DENND6A: variants seen among roughly 807,000 people sequenced by gnomAD.
The protein encoded by DENND6A is protein DENND6A.
In DENND6A, 43 loss-of-function variants were observed where a neutral mutation model predicts 95.5. That is an observed-to-expected ratio of 0.45 (90% CI 0.35 to 0.58). DENND6A has a LOEUF of 0.58. Ranked by LOEUF, DENND6A falls within the 20% of genes least tolerant of loss-of-function variation. The pLI, the probability that DENND6A is intolerant of heterozygous loss-of-function variation, is 0.00. For synonymous variants in DENND6A, 257 were observed against 260.4 expected (o/e 0.99, Z 0.13); for missense variants, 574 against 736.0 (o/e 0.78, Z 2.55).
intron 9 of DENND6A, among the ~76,000 whole-genome samples, chr3:57,649,940 C>T (rs1033753051): frequency 3.3e-5 from 5 of 151,526 alleles, no homozygotes; most frequent in African/African-American, 1.2e-4. Flanking sequence ...CACACACACA[C>T]ACCGTGGAAT....
chr3:57,633,583 C>T (rs2070731024), intron 14 of DENND6A, among the ~76,000 whole-genome samples: 1 of 152,060 alleles, frequency 6.6e-6, no homozygotes, highest in Non-Finnish European at 1.5e-5. Flanking sequence ...CTGTTCATCC[C>T]ATACTGTGAA....
chr3:57,631,964 C>T (rs1399479664), intron 15 of DENND6A, among the ~76,000 whole-genome samples: 30 of 132,058 alleles, frequency 2.3e-4, no homozygotes, highest in East Asian at 4.7e-4. Flanking sequence ...CCTCGTGATC[C>T]GCCCGCCTCG....
intron 11 of DENND6A, among the ~76,000 whole-genome samples, chr3:57,642,245 C>T (rs184255596): frequency 7.3e-6 from 1 of 136,784 alleles, no homozygotes; most frequent in African/African-American, 2.7e-5. Flanking sequence ...AACCAGGAGG[C>T]GGAGGTTGCA....
chr3:57,676,375 T>TTA (rs756272155), intron 1 of DENND6A, among the ~76,000 whole-genome samples: 2 of 87,354 alleles, frequency 2.3e-5, no homozygotes, highest in African/African-American at 4.3e-5. Flanking sequence ...TAAGATTATT[T>TTA]AAAAAAAAAA....
At position 57,641,689 on chromosome 3, in the gene DENND6A, G is replaced by T. The variant is rs1456409051; in HGVS notation, c.1096C>A (p.Pro366Thr). The T allele has an allele frequency of 6.2e-7, 1 of 1,612,822 alleles. No individual in the cohort carries two copies. Among genetic ancestry groups the T allele is most frequent in the Non-Finnish European group, 8.5e-7 (1 of 1,179,360 alleles). Residue 366 changes from proline (P) to threonine (T), a missense_variant, in exon 12 of 20, where the codon CCA (proline) becomes ACA (threonine). By Grantham distance (38) the Pro-to-Thr change is conservative. Around this residue, in one of 2 missense-constraint regions of DENND6A, gnomAD observed 452 missense variants for 630.9 expected, o/e 0.72. Transcript: ENST00000311128. ...AGGTCTCCTATTCGAATAATGTGTG[G>T]CCAGTGCTGGAGTGTCTTAGCAAAA... is the stretch of plus-strand genomic sequence containing the variant. The part of the protein sequence containing the change: ...PFFAKTLQHW[P>T]HIIRIGDLKP...
chr3:57,664,534 TAAGA>T (rs1290071507), intron 4 of DENND6A, among the ~76,000 whole-genome samples: 5 of 151,998 alleles, frequency 3.3e-5, no homozygotes. Context: ...TTAGGAGGGA[TAAGA>T]AAGGAGAAAA....
chr3:57,645,329 C>T (rs1378518758), intron 11 of DENND6A, among the ~76,000 whole-genome samples: 7 of 151,864 alleles, frequency 4.6e-5, no homozygotes, highest in Non-Finnish European at 8.8e-5. Context: ...GGCGTGGTGG[C>T]GCATGCCTGT....
At chr3:57,690,163 G>A (rs903415817) in intron 1 of DENND6A, among the ~76,000 whole-genome samples, 1 of 151,096 alleles carries the variant, frequency 6.6e-6, no homozygotes, top group African/African-American at 2.4e-5. Context: ...TGGCCAACAT[G>A]GTGAAACCCT....
intron 9 of DENND6A, among the ~76,000 whole-genome samples, chr3:57,652,450 C>T (rs2071230153): frequency 6.6e-6 from 1 of 152,170 alleles, no homozygotes; most frequent in Non-Finnish European, 1.5e-5. Flanking sequence ...CAGATAACAA[C>T]TTGACTGCAA....
In DENND6A at chr3:57,661,483, T is replaced by C; in HGVS notation, c.582A>G (p.Pro194=). 6.3e-7 allele frequency: 1 copy of C among 1,584,550 alleles called. No individual in the cohort carries two copies. Among genetic ancestry groups the C allele is most frequent in the Non-Finnish European group, 8.5e-7 (1 of 1,173,282 alleles). The change falls in exon 6 of 20, where the codon CCA becomes CCG. Residue 194 remains proline (P), a synonymous_variant. Coordinates refer to ENST00000311128, the MANE Select transcript of DENND6A (RefSeq NM_152678.3). ...FFHTVLKQIA[P]EYFEKNEPYL... ...AAGGTTCATTCTTTTCAAAATACTC[T>C]GGTGCTATCTGTTTGAGCACAGTGT...
chr3:57,633,384 T>C (rs1217141623), intron 14 of DENND6A, 30 bp from the exon 15 acceptor site: 1 of 1,555,872 alleles, frequency 6.4e-7, no homozygotes, highest in Non-Finnish European at 8.8e-7. Context: ...AGAATCTGTA[T>C]TCTAGTGTTG....
At chr3:57,685,923 A>C (rs1355819191) in intron 1 of DENND6A, among the ~76,000 whole-genome samples, 2 of 152,162 alleles carry the variant, frequency 1.3e-5, no homozygotes, top group Admixed American at 6.5e-5. Flanking sequence ...TTTTGACAAC[A>C]GCTGGTTTAC....
rs1375646564 is a variant in DENND6A at position 57,631,397 on chromosome 3, T to C, written c.1354-419A>G. 2.0e-5 allele frequency among the ~76,000 whole-genome samples: 3 copies of C among 152,120 alleles called. No homozygotes were observed. In the East Asian group the frequency reaches 5.8e-4, roughly 30 times the overall value. On this transcript the variant is annotated intron_variant, in intron 15 of 19. Coordinates refer to ENST00000311128, the MANE Select transcript of DENND6A (RefSeq NM_152678.3). ...TTTTAGTAGAGATGGGGTTTTACCA[T>C]GTTGGTCAGGCTGGTCTCGAACTCC...
intron 3 of DENND6A, among the ~76,000 whole-genome samples, chr3:57,666,982 T>C (rs2071533717): frequency 6.6e-6 from 1 of 152,242 alleles, no homozygotes; most frequent in African/African-American, 2.4e-5. Context: ...AAAATTTTAA[T>C]GGAAATTGAC....
chr3:57,690,332 C>T (rs1197344974), intron 1 of DENND6A, among the ~76,000 whole-genome samples: 2 of 152,060 alleles, frequency 1.3e-5, no homozygotes, highest in African/African-American at 4.8e-5. Flanking sequence ...GGTGAAACCC[C>T]GTCTCTATTA....
intron 1 of DENND6A, among the ~76,000 whole-genome samples, chr3:57,690,188 A>G (rs1053963593): frequency 2.0e-5 from 3 of 151,164 alleles, no homozygotes; most frequent in Non-Finnish European, 2.9e-5. Flanking sequence ...CTACTAAAAA[A>G]AACAAAAAAA....
At chr3:57,692,646 C>G in intron 1 of DENND6A, 136 bp downstream of exon 1, 1 of 761,378 alleles carries the variant, frequency 1.3e-6, no homozygotes. Flanking sequence ...CCCGAAAGAG[C>G]GCGGGAGGGG....
chr3:57,690,072 C>A (rs1170654182), intron 1 of DENND6A, among the ~76,000 whole-genome samples: 1 of 147,512 alleles, frequency 6.8e-6, no homozygotes, highest in Non-Finnish European at 1.5e-5. Flanking sequence ...AAGTCAGGTG[C>A]GGTGGCTCAC....
intron 6 of DENND6A, 131 bp from the exon 7 acceptor site, chr3:57,660,970 G>A: frequency 2.6e-6 from 2 of 757,778 alleles, no homozygotes; most frequent in Non-Finnish European, 3.9e-6. Flanking sequence ...AGAGATAAAA[G>A]GCAAAAGAAA....
Sources: allele counts gnomAD v4.1 joint callset (sites outside exome capture counted in the v4.1 genomes callset), GRCh38; gene constraint gnomAD v4.1.1; regional missense constraint gnomAD v4.1.1; transcripts MANE v1.5; gene names NCBI Gene and HGNC (gene_info 2026-07-23, HGNC 2026-07-21).